The following WNT11 variants were observed in gnomAD, a reference collection of about 807,000 sequenced individuals.
WNT11 encodes Wnt family member 11.
In WNT11, 20 loss-of-function variants were observed where a neutral mutation model predicts 35.6. The ratio of observed to expected loss-of-function variants is 0.56; its 90% CI spans 0.40 to 0.82. The LOEUF is 0.82. Among genes scored for constraint, WNT11 ranks in the 40% least tolerant of loss-of-function variants. The pLI, the probability that WNT11 is intolerant of heterozygous loss-of-function variation, is 0.00. For missense variants in WNT11, 459 were observed against 504.4 expected, an observed-to-expected ratio of 0.91 and a Z score of 0.86; for synonymous variants, 200 against 211.9, an observed-to-expected ratio of 0.94 and a Z score of 0.49.
intron 1 of WNT11, among the ~76,000 whole-genome samples, chr11:76,197,873 A>T (rs1048375781): frequency 6.6e-6 from 1 of 151,850 alleles, no homozygotes; most frequent in African/African-American, 2.4e-5. Context: ...ACCTTAAAGG[A>T]CTCCACATGG....
At position 76,197,904 on chromosome 11, in the gene WNT11, C is replaced by T. The variant is rs58198198; in HGVS notation, c.84-1186G>A. Among the ~76,000 whole-genome samples, 1,209 of 152,324 alleles carry T rather than the reference C, an allele frequency of 7.9e-3. 16 individuals carry two copies. Among genetic ancestry groups the T allele is most frequent in the African/African-American group, 0.026 (1,068 of 41,574 alleles). ...CATGGACTCACTCTCAGTGCCCCCACCCACAGCAGAGGCCGTCTGGAACCC... is the reference window on the plus strand; with the variant it reads ...CATGGACTCACTCTCAGTGCCCCCATCCACAGCAGAGGCCGTCTGGAACCC... On this transcript the variant is annotated intron_variant, in intron 1 of 4. Coordinates refer to ENST00000322563, the MANE Select transcript of WNT11 (RefSeq NM_004626.3).
In WNT11 at chr11:76,186,753, G is replaced by A. The variant is rs528172302; in HGVS notation, c.*312C>T. ...GAGGCTGGTCTCTGTGGCCCTGAAA[G>A]GTCAAGTCTGTATCAGTCTCACCGA... On this transcript the variant is annotated 3_prime_UTR_variant, in exon 5 of 5. Coordinates refer to ENST00000322563, the MANE Select transcript of WNT11 (RefSeq NM_004626.3). The A allele has an allele frequency of 8.2e-5, 39 of 473,038 alleles. No homozygotes were observed. The highest frequency in any genetic ancestry group is 5.1e-4 in the South Asian group (30 of 59,052). 29.3% of individuals were successfully genotyped at this position (473,038 alleles called of 1,614,324 possible).
At chr11:76,195,391 A>G (rs1196706730) in intron 2 of WNT11, among the ~76,000 whole-genome samples, 2 of 152,238 alleles carry the variant, frequency 1.3e-5, no homozygotes, top group East Asian at 3.8e-4. Flanking sequence ...ATACACAGAC[A>G]CACAAAGAGG....
At chr11:76,208,889 A>T (rs1378150882), upstream of WNT11, among the ~76,000 whole-genome samples, 1 of 152,124 alleles carries the variant, frequency 6.6e-6, no homozygotes, top group East Asian at 1.9e-4. Context: ...ACAGCCGCGC[A>T]GGCCACGGGG....
upstream of WNT11, among the ~76,000 whole-genome samples, chr11:76,208,541 T>C (rs561349310): frequency 6.6e-6 from 1 of 152,072 alleles, no homozygotes; most frequent in South Asian, 2.1e-4. Flanking sequence ...GAATCAAAAC[T>C]CCAGTCACCG....
chr11:76,199,825 G>A (rs1953347246), intron 1 of WNT11, among the ~76,000 whole-genome samples: 1 of 152,090 alleles, frequency 6.6e-6, no homozygotes, highest in African/African-American at 2.4e-5. Context: ...ATTCATAGAT[G>A]AAGCTAAGTC....
In WNT11 at chr11:76,196,626, C is replaced by T; in HGVS notation, c.176G>A (p.Cys59Tyr). ...GTGCATGAGCTCCAGGTTGCTGCGG[C>T]ACAGCTGCACCTGTGCAGACACCAG... is the stretch of plus-strand genomic sequence containing the variant. ...EGLVSAQVQL[C>Y]RSNLELMHTV... Residue 59 changes from cysteine (C) to tyrosine (Y), a missense_variant, in exon 2 of 5, where the codon TGC (cysteine) becomes TAC (tyrosine). Physicochemically the swap from Cys to Tyr is radical, Grantham distance 194 (BLOSUM62 -2). Coordinates refer to ENST00000322563, the MANE Select transcript of WNT11 (RefSeq NM_004626.3). 1.2e-6 allele frequency: 2 copies of T among 1,613,702 alleles called. No individual in the cohort carries two copies. Among genetic ancestry groups the T allele is most frequent in the Non-Finnish European group, 1.7e-6 (2 of 1,180,034 alleles).
In WNT11 at chr11:76,196,645, A is replaced by T. The variant is rs763347082; in HGVS notation, c.157T>A (p.Ser53Thr). ...CTGCGGCACAGCTGCACCTGTGCAG[A>T]CACCAGACCCTCCAGCTGCTTGCAG... ...QHCKQLEGLV[S>T]AQVQLCRSNL... is the part of the protein sequence containing the mutation. Residue 53 changes from serine to threonine, a missense_variant, in exon 2 of 5, where the codon TCT becomes ACT. Transcript: ENST00000322563. The T allele has an allele frequency of 6.2e-7, 1 of 1,613,700 alleles. No homozygotes were observed. The highest frequency in any genetic ancestry group is 1.1e-5 in the South Asian group (1 of 91,086).
At chr11:76,191,940 C>G (rs1953192017) in intron 3 of WNT11, 84 bp from the exon 4 acceptor site, 2 of 1,459,150 alleles carry the variant, frequency 1.4e-6, no homozygotes, top group East Asian at 2.4e-5. Flanking sequence ...CCACCCATGG[C>G]TGGGTGCTCT....
At chr11:76,189,443 T>C (rs1446738211) in intron 4 of WNT11, among the ~76,000 whole-genome samples, 2 of 152,154 alleles carry the variant, frequency 1.3e-5, no homozygotes, top group East Asian at 1.9e-4. Context: ...TGCAGGCCTC[T>C]GGAAGAAATA....
At position 76,203,424 on chromosome 11, in the gene WNT11, G is replaced by A. The variant is rs571682695; in HGVS notation, c.83+2901C>T. Among the ~76,000 whole-genome samples the A allele has an allele frequency of 7.9e-5, 12 of 152,280 alleles. No homozygotes were observed. The South Asian group carries it at 1.0e-3, about 13-fold the overall frequency. On this transcript the variant is annotated intron_variant, in intron 1 of 4. Coordinates refer to ENST00000322563, the MANE Select transcript of WNT11 (RefSeq NM_004626.3). ...GCGGCCTTTATGGATGTTCCCAACC[G>A]GCCTGGGCCTTTCCTCTCACCCCAC... is the stretch of plus-strand genomic sequence containing the variant.
chr11:76,199,491 A>G (rs1000371662), intron 1 of WNT11, among the ~76,000 whole-genome samples: 1 of 151,428 alleles, frequency 6.6e-6, no homozygotes, highest in Non-Finnish European at 1.5e-5. Flanking sequence ...AAAAAAGGCT[A>G]TGGTGAGACT....
chr11:76,200,011 C>T (rs1167604161), intron 1 of WNT11, among the ~76,000 whole-genome samples: 4 of 152,182 alleles, frequency 2.6e-5, no homozygotes, highest in South Asian at 2.1e-4. Context: ...ATATGTGCTA[C>T]GGTAAGTACT....
At position 76,196,552 on chromosome 11, in the gene WNT11, A is replaced by G; in HGVS notation, c.250T>C (p.Phe84Leu). 1 of 1,613,622 alleles carries G rather than the reference A, an allele frequency of 6.2e-7. No individual in the cohort carries two copies. Among genetic ancestry groups the G allele is most frequent in the Non-Finnish European group, 8.5e-7 (1 of 1,180,048 alleles). Residue 84 changes from phenylalanine (F) to leucine (L), a missense_variant, in exon 2 of 5, where the codon TTT (phenylalanine) becomes CTT (leucine). Phe to Leu is a conservative substitution (Grantham distance 22, BLOSUM62 0). Coordinates refer to ENST00000322563, the MANE Select transcript of WNT11 (RefSeq NM_004626.3). ...GAGCAGTTCCAGCGCATGTCGGCAAAGGCCCGGCGACAGGCCTTCATGACC... is the reference window on the plus strand; with the variant it reads ...GAGCAGTTCCAGCGCATGTCGGCAAGGGCCCGGCGACAGGCCTTCATGACC... ...REVMKACRRA[F>L]ADMRWNCSSI...
At chr11:76,188,443 A>G (rs1226994018) in intron 4 of WNT11, among the ~76,000 whole-genome samples, 1 of 152,248 alleles carries the variant, frequency 6.6e-6, no homozygotes, top group Non-Finnish European at 1.5e-5. Flanking sequence ...ACATCCTTCC[A>G]CTGCTCTCAG....
chr11:76,195,046 A>C, intron 2 of WNT11: 1 of 623,132 alleles, frequency 1.6e-6, no homozygotes, highest in South Asian at 2.6e-5. Context: ...AGGACCCCAC[A>C]CCCACAGGCA....
Position 76,206,471 on chromosome 11 carries a change from C to G in WNT11, c.-64G>C. 1 of 1,325,200 alleles carries G rather than the reference C, an allele frequency of 7.5e-7. No homozygotes were observed. The allele number at this position is 1,325,200 out of a possible 1,614,324, so 82.1% of individuals were successfully genotyped here. A position where few individuals can be genotyped will look rare whatever the true frequency, so the allele number is the denominator to read the frequency against. On this transcript the variant is annotated 5_prime_UTR_variant, in exon 1 of 5. Transcript: ENST00000322563. ...GAGCCGCGCCGAAGTCCTCCGCCTGCACGGCCGCCGCTGGTCCTGCACGCC... is the reference window on the plus strand; with the variant it reads ...GAGCCGCGCCGAAGTCCTCCGCCTGGACGGCCGCCGCTGGTCCTGCACGCC...
At chr11:76,206,019 T>C (rs1953466309) in intron 1 of WNT11, among the ~76,000 whole-genome samples, 1 of 152,198 alleles carries the variant, frequency 6.6e-6, no homozygotes, top group South Asian at 2.1e-4. Context: ...CTGAACAGAA[T>C]GTCTTTTTCC....
In WNT11 at chr11:76,186,947, T is replaced by C. The variant is rs770646998; in HGVS notation, c.*118A>G. On this transcript the variant is annotated 3_prime_UTR_variant, in exon 5 of 5. Transcript: ENST00000322563. Reference sequence around the variant, plus strand: ...AAGGCAAAGCACAAGCCGCCTCCCATGCCTGGCATCTGGAATTCACAAGCA... The same window carrying C: ...AAGGCAAAGCACAAGCCGCCTCCCACGCCTGGCATCTGGAATTCACAAGCA... The C allele has an allele frequency of 7.3e-6, 11 of 1,501,328 alleles. No individual in the cohort carries two copies. Among genetic ancestry groups the C allele is most frequent in the African/African-American group, 1.4e-5 (1 of 72,730 alleles). The allele number at this position is 1,501,328 out of a possible 1,614,324, so 93.0% of individuals were successfully genotyped here.
Sources: allele counts gnomAD v4.1 joint callset (sites outside exome capture counted in the v4.1 genomes callset), GRCh38; gene constraint gnomAD v4.1.1; transcripts MANE v1.5; gene names NCBI Gene and HGNC (gene_info 2026-07-23, HGNC 2026-07-21).